Variants in ILDR2 observed in about 807,000 individuals in gnomAD.
ILDR2 encodes the protein immunoglobulin-like domain-containing receptor 2.
ILDR2 carries 25 observed loss-of-function variants against 66.8 expected under a neutral mutation model. That is an observed-to-expected ratio of 0.37 (90% CI 0.27 to 0.52). The LOEUF (loss-of-function observed/expected upper bound fraction) is 0.52, where lower values mean the gene tolerates loss of function less well. Among genes scored for constraint, ILDR2 ranks in the 20% least tolerant of loss-of-function variants. The pLI is 0.88. For synonymous variants in ILDR2, 367 were observed against 357.2 expected (o/e 1.03, Z -0.31); for missense variants, 827 against 876.8 (o/e 0.94, Z 0.72).
chr1:166,968,747 C>T (rs2102024839), intron 1 of ILDR2, among the ~76,000 whole-genome samples: 1 of 152,144 alleles, frequency 6.6e-6, no homozygotes, highest in South Asian at 2.1e-4. Context: ...CTTGCCCTGA[C>T]CCCCTTGAGC....
downstream of ILDR2, chr1:166,907,947 G>C (rs984964013): frequency 4.6e-5 from 7 of 152,220 alleles, no homozygotes; most frequent in African/African-American, 1.7e-4. Context: ...CTTCACATGA[G>C]AGAAGGAAGC....
intron 1 of ILDR2, among the ~76,000 whole-genome samples, chr1:166,969,973 A>G (rs946891989): frequency 1.3e-5 from 2 of 152,234 alleles, no homozygotes; most frequent in Admixed American, 1.3e-4. Flanking sequence ...GATAATGTCT[A>G]TGAAAGCCAT....
intron 1 of ILDR2, among the ~76,000 whole-genome samples, chr1:166,960,976 G>A (rs564276660): frequency 6.6e-6 from 1 of 152,300 alleles, no homozygotes; most frequent in African/African-American, 2.4e-5. Context: ...ATTAGCAGTG[G>A]TTGAGGCTGG....
chr1:166,930,233 T>C (rs933164993), intron 6 of ILDR2, among the ~76,000 whole-genome samples: 3 of 152,202 alleles, frequency 2.0e-5, no homozygotes, highest in Non-Finnish European at 4.4e-5. Context: ...ACAGATTTGA[T>C]TGTGTATGCA....
chr1:166,916,856 T>G lies in ILDR2; in HGVS notation c.*2499A>C, dbSNP rs1327466983. 2 of 152,210 alleles carry G rather than the reference T, an allele frequency of 1.3e-5. No individual in the cohort carries two copies. Among genetic ancestry groups the G allele is most frequent in the Non-Finnish European group, 2.9e-5 (2 of 68,032 alleles). 9.4% of individuals were successfully genotyped at this position (152,210 alleles called of 1,614,324 possible). The stretch of plus-strand genomic sequence containing the variant: ...AATTCTTTCTTTCCCATTGCTACCC[T>G]CAACCTTCACCAAAATCATACGTCC... On this transcript the variant is annotated 3_prime_UTR_variant, in exon 10 of 10. Transcript: ENST00000271417.
chr1:166,954,192 A>G (rs1163962638), intron 3 of ILDR2, among the ~76,000 whole-genome samples: 2 of 152,210 alleles, frequency 1.3e-5, no homozygotes, highest in South Asian at 2.1e-4. Flanking sequence ...GGTCCCAGTT[A>G]TCTTCTCACA....
chr1:166,963,194 T>C (rs1349931767), intron 1 of ILDR2, among the ~76,000 whole-genome samples: 2 of 152,350 alleles, frequency 1.3e-5, no homozygotes, highest in East Asian at 1.9e-4. Flanking sequence ...AACTTTGATC[T>C]TTCTCTATTC....
At chr1:166,900,873 T>A (rs1413866113) in intron 2 of ILDR2, among the ~76,000 whole-genome samples, 1 of 152,212 alleles carries the variant, frequency 6.6e-6, no homozygotes, top group African/African-American at 2.4e-5. Context: ...ATATTAAAAC[T>A]CCAGTTTATT....
intron 1 of ILDR2, among the ~76,000 whole-genome samples, chr1:166,963,393 T>C (rs1459981842): frequency 6.6e-6 from 1 of 152,134 alleles, no homozygotes; most frequent in African/African-American, 2.4e-5. Context: ...GCTCAGATAA[T>C]GTATGTATGT....
At chr1:166,934,500 C>G (rs916684590) in intron 6 of ILDR2, among the ~76,000 whole-genome samples, 10 of 152,224 alleles carry the variant, frequency 6.6e-5, no homozygotes, top group Admixed American at 1.3e-4. Flanking sequence ...GTCTCTGGCT[C>G]TACTGTCTCC....
At chr1:166,926,187 C>T (rs1405534139) in intron 7 of ILDR2, among the ~76,000 whole-genome samples, 1 of 152,040 alleles carries the variant, frequency 6.6e-6, no homozygotes, top group African/African-American at 2.4e-5. Context: ...CTCGTTAGTT[C>T]CAAGAAGAGG....
At chr1:166,922,398 C>T (rs1041718870) in intron 8 of ILDR2, among the ~76,000 whole-genome samples, 195 bp downstream of exon 8, 4 of 152,190 alleles carry the variant, frequency 2.6e-5, no homozygotes, top group South Asian at 4.1e-4. Flanking sequence ...ATTACTTCTA[C>T]ACATGTTGTC....
chr1:166,919,901 A>C (rs369735005), intron 9 of ILDR2, among the ~76,000 whole-genome samples: 2 of 152,224 alleles, frequency 1.3e-5, no homozygotes, highest in South Asian at 2.1e-4. Context: ...GGTAATTGCG[A>C]AGGGGGAGAA....
chr1:166,903,106 C>T (rs1659288281), intron 2 of ILDR2, among the ~76,000 whole-genome samples: 1 of 152,202 alleles, frequency 6.6e-6, no homozygotes, highest in Admixed American at 6.5e-5. Flanking sequence ...GTTCTCCATA[C>T]AGAAGTCAGA....
intron 3 of ILDR2, among the ~76,000 whole-genome samples, chr1:166,955,609 A>C (rs1429323416): frequency 2.0e-5 from 3 of 152,206 alleles, no homozygotes; most frequent in Non-Finnish European, 2.9e-5. Flanking sequence ...TCTCAAAAAT[A>C]AAATCAAATA....
chr1:166,918,979 G>C lies in ILDR2; in HGVS notation c.*376C>G. The C allele has an allele frequency of 2.6e-6, 1 of 385,182 alleles. No homozygotes were observed. The highest frequency in any genetic ancestry group is 4.6e-6 in the Non-Finnish European group (1 of 216,676). 23.9% of individuals were successfully genotyped at this position (385,182 alleles called of 1,614,324 possible). ...AGTATAGCACAGGAGGTATAGAAAA[G>C]CATATTGTAGGCATAGGCAATTTCT... On this transcript the variant is annotated 3_prime_UTR_variant, in exon 10 of 10. Transcript: ENST00000271417.
chr1:166,917,896 C>G lies in ILDR2; in HGVS notation c.*1459G>C, dbSNP rs1659704810. 6.6e-6 allele frequency: 1 copy of G among 152,130 alleles called. No individual in the cohort carries two copies. Among genetic ancestry groups the G allele is most frequent in the African/African-American group, 2.4e-5 (1 of 41,436 alleles). The allele number at this position is 152,130 out of a possible 1,614,324, so 9.4% of individuals were successfully genotyped here. A position where few individuals can be genotyped will look rare whatever the true frequency, so the allele number is the denominator to read the frequency against. ...AGCAGGATAGTCCAGGCTTGTTCAC[C>G]TGATGGTAGTTGCAAGGTTCCCAAG... On this transcript the variant is annotated 3_prime_UTR_variant, in exon 10 of 10. Coordinates refer to ENST00000271417, the MANE Select transcript of ILDR2 (RefSeq NM_199351.3).
rs764630968 is a variant in ILDR2 at position 166,919,352 on chromosome 1, A to G, written c.*3T>C. The G allele has an allele frequency of 4.3e-6, 7 of 1,612,502 alleles. No homozygotes were observed. The Admixed American group carries it at 1.2e-4, about 27-fold the overall frequency. On this transcript the variant is annotated 3_prime_UTR_variant, in exon 10 of 10. Transcript: ENST00000271417. ...CTCATTATCCAGAGAAATGTTGACA[A>G]CATCAGACCACAAGGGACATCCTGG...
chr1:166,956,717 T>C lies in ILDR2; in HGVS notation c.499+16A>G, dbSNP rs1171272123. The stretch of plus-strand genomic sequence containing the variant: ...AGTGGTCTAAGATGAAAATGTCACC[T>C]GTTGTTTTCACTTACCCAACACCAG... On this transcript the variant is annotated intron_variant, in intron 3 of 9. Coordinates refer to ENST00000271417, the MANE Select transcript of ILDR2 (RefSeq NM_199351.3). 7 of 1,612,752 alleles carry C rather than the reference T, an allele frequency of 4.3e-6. No homozygotes were observed. Among genetic ancestry groups the C allele is most frequent in the Non-Finnish European group, 5.9e-6 (7 of 1,179,540 alleles).
Sources: gnomAD v4.1 joint callset for allele counts (sites outside exome capture counted in the v4.1 genomes callset) on GRCh38, gnomAD v4.1.1 for gene constraint, MANE v1.5 for transcripts, NCBI Gene and HGNC (gene_info 2026-07-23, HGNC 2026-07-21) for gene names.